PLEKHG5: variants seen among roughly 807,000 people sequenced by gnomAD.
PLEKHG5 encodes pleckstrin homology domain-containing family G member 5.
In PLEKHG5, 52 loss-of-function variants were observed where a neutral mutation model predicts 103.8. That is an observed-to-expected ratio of 0.50 (90% confidence interval 0.40 to 0.63). The LOEUF is 0.63. PLEKHG5 is among the 30% of genes least tolerant of loss of function. The pLI is 0.00. For missense variants in PLEKHG5, 1,205 were observed against 1,347.6 expected (o/e 0.89, Z 1.66); for synonymous variants, 592 against 575.5 (o/e 1.03, Z -0.41).
At chr1:6,494,570 GGTT>G (rs1233986937), upstream of PLEKHG5, among the ~76,000 whole-genome samples, 12 of 152,076 alleles carry the variant, frequency 7.9e-5, 1 homozygote, top group African/African-American at 2.9e-4. Flanking sequence ...AGCCAGTAGT[GGTT>G]ATTATTATCA....
At chr1:6,507,618 CG>C (rs1445103904) in intron 1 of PLEKHG5, among the ~76,000 whole-genome samples, 2 of 151,922 alleles carry the variant, frequency 1.3e-5, no homozygotes, top group South Asian at 4.2e-4. Context: ...GCTCTGTTTC[CG>C]GGGGGCGGGG....
In PLEKHG5 at chr1:6,519,938, G is replaced by A. The variant is rs531924469; in HGVS notation, c.-658C>T. 103 of 272,804 alleles carry A rather than the reference G, an allele frequency of 3.8e-4. 1 individual carries two copies. In the South Asian group the frequency reaches 3.9e-3, roughly 10 times the overall value. 16.9% of individuals were successfully genotyped at this position (272,804 alleles called of 1,614,324 possible). ...AGGAAAGCAACACCACAGAGACCCC[G>A]GCCTCTGCAATCCCAGCAGCCAGCA... On this transcript the variant is annotated 5_prime_UTR_variant, in exon 1 of 22. Transcript: ENST00000377740.
At chr1:6,477,815 A>G (rs1347027620) in intron 1 of PLEKHG5, among the ~76,000 whole-genome samples, 157 bp from the exon 2 acceptor site, 1 of 145,466 alleles carries the variant, frequency 6.9e-6, no homozygotes, top group Non-Finnish European at 1.5e-5. Context: ...CACATCATCA[A>G]GTTTCCCCTC....
Position 6,490,473 on chromosome 1 carries a change from G to A in PLEKHG5, c.-88+1164C>T, listed in dbSNP as rs1203586890. The A allele has an allele frequency of 8.3e-6, 8 of 967,834 alleles. No individual in the cohort carries two copies. The Admixed American group carries it at 3.2e-4, about 39-fold the overall frequency. The allele number at this position is 967,834 out of a possible 1,614,324, so 60.0% of individuals were successfully genotyped here. A position where few individuals can be genotyped will look rare whatever the true frequency, so the allele number is the denominator to read the frequency against. On this transcript the variant is annotated intron_variant, in intron 1 of 20. Coordinates refer to ENST00000377728, the MANE Select transcript of PLEKHG5 (RefSeq NM_020631.6). The surrounding 1 kb of genome is among the most constrained non-coding windows in gnomAD (Gnocchi z 8.0). Reference sequence around the variant, plus strand: ...GGAACAGGACCAGGGTCTCCTCCCCGGTGTCTAAGGCTCTAAGGCTCGGGC... The same window carrying A: ...GGAACAGGACCAGGGTCTCCTCCCCAGTGTCTAAGGCTCTAAGGCTCGGGC...
chr1:6,490,732 C>T lies in PLEKHG5; in HGVS notation c.-88+905G>A. 2 of 368,902 alleles carry T rather than the reference C, an allele frequency of 5.4e-6. No homozygotes were observed. The highest frequency in any genetic ancestry group is 7.4e-6 in the Non-Finnish European group (2 of 268,772). 22.9% of individuals were successfully genotyped at this position (368,902 alleles called of 1,614,324 possible). ...CGGAGCCAGGGAGGTGGCTGGAGGC[C>T]GGGCGGTGGCTTGGGGTAATCCAGG... On this transcript the variant is annotated intron_variant, in intron 1 of 20. Coordinates refer to ENST00000377728, the MANE Select transcript of PLEKHG5 (RefSeq NM_020631.6). The surrounding 1 kb of genome is among the most constrained non-coding windows in gnomAD (Gnocchi z 8.0).
At chr1:6,480,870 G>C (rs1335010401) in intron 1 of PLEKHG5, among the ~76,000 whole-genome samples, 1 of 151,962 alleles carries the variant, frequency 6.6e-6, no homozygotes, top group Non-Finnish European at 1.5e-5. Flanking sequence ...CGAACTCCTG[G>C]GCTCAACTGA....
At chr1:6,499,738 G>T (rs1645275147), upstream of PLEKHG5, among the ~76,000 whole-genome samples, 1 of 152,140 alleles carries the variant, frequency 6.6e-6, no homozygotes, top group Non-Finnish European at 1.5e-5. Flanking sequence ...TGGTAAGGGG[G>T]ACATACTGTA....
chr1:6,468,083 C>G lies in PLEKHG5; in HGVS notation c.2753G>C (p.Gly918Ala). 6.3e-7 allele frequency: 1 copy of G among 1,583,726 alleles called. No individual in the cohort carries two copies. Among genetic ancestry groups the G allele is most frequent in the East Asian group, 2.3e-5 (1 of 44,136 alleles). Reference protein sequence around the residue: ...AVPAPGIRTQGSPQEAGPSWD... With the variant: ...AVPAPGIRTQASPQEAGPSWD... ...GCTGGGCCCAGCTTCCTGAGGGGAG[C>G]CCTGAGTCCTAATACCTGGGGCTGG... The change falls in exon 20 of 21, where the codon GGC becomes GCC. Residue 918 changes from glycine (G) to alanine (A), a missense_variant. Physicochemically the swap from Gly to Ala is moderately conservative, Grantham distance 60 (BLOSUM62 0). Transcript: ENST00000377728.
intron 16 of PLEKHG5, 79 bp downstream of exon 16, chr1:6,470,157 A>C: frequency 2.3e-5 from 34 of 1,491,148 alleles, no homozygotes; most frequent in Non-Finnish European, 3.0e-5. Flanking sequence ...AAGGGACTGC[A>C]GAGCTGAGAA....
upstream of PLEKHG5, among the ~76,000 whole-genome samples, chr1:6,498,443 C>A (rs1569981920): frequency 4.6e-5 from 7 of 152,304 alleles, no homozygotes; most frequent in South Asian, 1.4e-3. Context: ...AGCACGGATC[C>A]CGGGTCTCCT....
At chr1:6,472,462 C>A in intron 10 of PLEKHG5, 65 bp downstream of exon 10, 1 of 1,146,424 alleles carries the variant, frequency 8.7e-7, no homozygotes, top group South Asian at 1.3e-5. Flanking sequence ...GGCTCAGACT[C>A]AGCTGAGGGC....
chr1:6,509,662 C>T lies in PLEKHG5; in HGVS notation c.-165+9783G>A, dbSNP rs546568828. On this transcript the variant is annotated intron_variant, in intron 1 of 21. Coordinates refer to the PLEKHG5 transcript ENST00000377740. ...TCAACCACCCTGGATGACCCCTTCCCACTGCAGGGGTTTTCTGAGGGCAGC... is the reference window on the plus strand; with the variant it reads ...TCAACCACCCTGGATGACCCCTTCCTACTGCAGGGGTTTTCTGAGGGCAGC... 1.7e-3 allele frequency among the ~76,000 whole-genome samples: 254 copies of T among 152,332 alleles called. 1 individual carries two copies. Among genetic ancestry groups the T allele is most frequent in the Non-Finnish European group, 2.6e-3 (177 of 68,016 alleles).
chr1:6,496,707 T>C, upstream of PLEKHG5: 1 of 606,730 alleles, frequency 1.6e-6, no homozygotes, highest in Non-Finnish European at 2.8e-6. Flanking sequence ...CTTTCTCTTT[T>C]AAATGCCAAC....
chr1:6,467,749 C>T lies in PLEKHG5; in HGVS notation c.3011+76G>A, dbSNP rs933487710. ...CCTCCGCCATGACCCTCCCCAAATGCGATGCTCCCAGGCATGAGTGGGCCC... is the reference window on the plus strand; with the variant it reads ...CCTCCGCCATGACCCTCCCCAAATGTGATGCTCCCAGGCATGAGTGGGCCC... On this transcript the variant is annotated intron_variant, in intron 20 of 20. Coordinates refer to ENST00000377728, the MANE Select transcript of PLEKHG5 (RefSeq NM_020631.6). The T allele has an allele frequency of 5.1e-5, 79 of 1,561,262 alleles. No individual in the cohort carries two copies. In the South Asian group the frequency reaches 6.1e-4, roughly 12 times the overall value.
rs1205461382 is a variant in PLEKHG5, at chr1:6,490,011, T to C, written c.-88+1626A>G. Reference sequence around the variant, plus strand: ...CCACCCCTAAGTGGGTGCCTGGGTCTGCTCAGACTGCCCGAGGCGCAGCCT... The same window carrying C: ...CCACCCCTAAGTGGGTGCCTGGGTCCGCTCAGACTGCCCGAGGCGCAGCCT... On this transcript the variant is annotated intron_variant, in intron 1 of 20. Transcript: ENST00000377728. This position sits in a 1 kb window ranked among gnomAD's most constrained non-coding sequence, Gnocchi z 8.0. Among the ~76,000 whole-genome samples, 1 of 152,198 alleles carries C rather than the reference T, an allele frequency of 6.6e-6. No individual in the cohort carries two copies. The highest frequency in any genetic ancestry group is 1.5e-5 in the Non-Finnish European group (1 of 68,026).
At chr1:6,515,421 G>A (rs953393326) in intron 1 of PLEKHG5, among the ~76,000 whole-genome samples, 4 of 152,288 alleles carry the variant, frequency 2.6e-5, no homozygotes, top group African/African-American at 9.6e-5. Context: ...CAGCTATTGG[G>A]GAGGCTGAGA....
At chr1:6,483,262 C>T (rs1371423729) in intron 1 of PLEKHG5, among the ~76,000 whole-genome samples, 1 of 152,182 alleles carries the variant, frequency 6.6e-6, no homozygotes, top group Non-Finnish European at 1.5e-5. Context: ...TGGAGCTGGG[C>T]CCCAGGCAGG....
At chr1:6,485,308 C>T in intron 1 of PLEKHG5, 8 of 1,372,378 alleles carry the variant, frequency 5.8e-6, no homozygotes, top group Non-Finnish European at 7.5e-6. Context: ...GTTCCCGCCC[C>T]GTCCCGGCCC....
chr1:6,497,293 GT>G, upstream of PLEKHG5: 1 of 1,010,964 alleles, frequency 9.9e-7, no homozygotes, highest in Non-Finnish European at 1.5e-6. This position sits in a 1 kb window ranked among gnomAD's most constrained non-coding sequence, Gnocchi z 6.1. Context: ...CCCGCCCCGC[GT>G]CCGCCGGGTC....
Sources: gnomAD v4.1 joint callset for allele counts (sites outside exome capture counted in the v4.1 genomes callset) on GRCh38, gnomAD v4.1.1 for gene constraint, Gnocchi (gnomAD v3.1) non-coding constraint, MANE v1.5 for transcripts, NCBI Gene and HGNC (gene_info 2026-07-23, HGNC 2026-07-21) for gene names.